RBFOX3: variants seen among roughly 807,000 people sequenced by gnomAD.
The protein encoded by RBFOX3 is RNA binding fox-1 homolog 3.
In RBFOX3, 17 loss-of-function variants were observed where a neutral mutation model predicts 48.7. The observed-to-expected ratio is 0.35, with a 90% confidence interval of 0.24 to 0.52. The LOEUF is 0.52. Among genes scored for constraint, RBFOX3 ranks in the 20% least tolerant of loss-of-function variants. The pLI is 0.94. For missense variants in RBFOX3, 382 were observed against 497.5 expected (o/e 0.77, Z 2.21); for synonymous variants, 212 against 209.5 (o/e 1.01, Z -0.10).
intron 4 of RBFOX3, among the ~76,000 whole-genome samples, chr17:79,211,688 C>T (rs2058404318): frequency 2.6e-5 from 4 of 152,158 alleles, no homozygotes; most frequent in South Asian, 4.1e-4. Flanking sequence ...TCCCAGGCTC[C>T]GGCAGGGCTG....
chr17:79,493,302 C>T (rs2149625598), intron 1 of RBFOX3, among the ~76,000 whole-genome samples: 1 of 152,280 alleles, frequency 6.6e-6, no homozygotes, highest in Middle Eastern at 3.4e-3. Context: ...CCCACCAGGC[C>T]CCACCTCTAA....
intron 3 of RBFOX3, among the ~76,000 whole-genome samples, chr17:79,236,040 C>T (rs1007987410): frequency 3.3e-5 from 5 of 152,196 alleles, no homozygotes; most frequent in South Asian, 2.1e-4. Flanking sequence ...AAACAGGGCA[C>T]GGTGGACCGG....
chr17:79,414,343 G>T (rs1334761215), intron 2 of RBFOX3, among the ~76,000 whole-genome samples: 1 of 152,192 alleles, frequency 6.6e-6, no homozygotes, highest in African/African-American at 2.4e-5. Flanking sequence ...GTAATGTACA[G>T]CGAGTTCCTT....
chr17:79,640,072 T>C, the RBFOX3 span, among the ~76,000 whole-genome samples: 1 of 152,132 alleles, frequency 6.6e-6, no homozygotes. Flanking sequence ...TAGAAAACCC[T>C]AAAAACTCAA....
chr17:79,585,481 C>G (rs959726799), intron 1 of RBFOX3, among the ~76,000 whole-genome samples: 1 of 151,948 alleles, frequency 6.6e-6, no homozygotes, highest in African/African-American at 2.4e-5. Context: ...CGCTTGAACC[C>G]GGGAGGCAGA....
In RBFOX3 at chr17:79,561,458, C is replaced by G. The variant is rs993461486; in HGVS notation, c.-320+49368G>C. 2.9e-3 allele frequency among the ~76,000 whole-genome samples: 440 copies of G among 152,254 alleles called. 6 individuals carry two copies. The highest frequency in any genetic ancestry group is 0.01 in the African/African-American group (427 of 41,530). ...AGACCACCACTGCAGATTCAGATGA[C>G]AGAGAGCAAGGGTCGCCAAACTCAG... On this transcript the variant is annotated intron_variant, in intron 1 of 14. Transcript: ENST00000693108.
intron 2 of RBFOX3, among the ~76,000 whole-genome samples, chr17:79,381,174 C>T (rs1010068404): frequency 1.3e-5 from 2 of 151,684 alleles, no homozygotes; most frequent in Admixed American, 6.6e-5. Context: ...GCAGGAGAAT[C>T]GCTTGAAGCT....
At chr17:79,164,278 A>G (rs886104809) in intron 4 of RBFOX3, among the ~76,000 whole-genome samples, 6 of 152,148 alleles carry the variant, frequency 3.9e-5, no homozygotes, top group African/African-American at 4.8e-5. Context: ...GTCCAAGGTT[A>G]GGGCATAGTG....
chr17:79,597,479 G>A (rs1225715965), intron 1 of RBFOX3, among the ~76,000 whole-genome samples: 1 of 152,218 alleles, frequency 6.6e-6, no homozygotes, highest in Non-Finnish European at 1.5e-5. Flanking sequence ...GTCGTCCTGT[G>A]TGTGGCCTTG....
At chr17:79,265,357 C>G (rs967902393) in intron 3 of RBFOX3, among the ~76,000 whole-genome samples, 2 of 152,162 alleles carry the variant, frequency 1.3e-5, no homozygotes, top group African/African-American at 4.8e-5. Flanking sequence ...CTCCCACAGC[C>G]TCCCGCTTAA....
At chr17:79,105,059 G>A (rs1263548535) in intron 6 of RBFOX3, among the ~76,000 whole-genome samples, 3 of 152,184 alleles carry the variant, frequency 2.0e-5, no homozygotes, top group Non-Finnish European at 4.4e-5. Context: ...GAACAGCCCC[G>A]AACAACACTT....
At chr17:79,544,787 C>T (rs1257149907) in intron 1 of RBFOX3, among the ~76,000 whole-genome samples, 1 of 151,934 alleles carries the variant, frequency 6.6e-6, no homozygotes, top group African/African-American at 2.4e-5. Flanking sequence ...CTGAGCAGCA[C>T]CGCCCTCCCC....
intron 1 of RBFOX3, among the ~76,000 whole-genome samples, chr17:79,554,538 G>T (rs898373225): frequency 8.0e-4 from 121 of 151,880 alleles, no homozygotes; most frequent in African/African-American, 2.6e-3. Flanking sequence ...TGGGTGCTTC[G>T]CACCCCGCTG....
chr17:79,572,712 G>C (rs1470674596), intron 1 of RBFOX3, among the ~76,000 whole-genome samples: 1 of 152,214 alleles, frequency 6.6e-6, no homozygotes, highest in Admixed American at 6.5e-5. Flanking sequence ...GCCTACAGCG[G>C]TTTGCAAACG....
intron 4 of RBFOX3, among the ~76,000 whole-genome samples, chr17:79,120,599 A>G (rs2035431051): frequency 6.7e-6 from 1 of 150,316 alleles, no homozygotes; most frequent in African/African-American, 2.5e-5. Flanking sequence ...GAGTGGATGG[A>G]AAGATGGATG....
At chr17:79,564,976 G>A (rs1008239387) in intron 1 of RBFOX3, among the ~76,000 whole-genome samples, 7 of 147,076 alleles carry the variant, frequency 4.8e-5, no homozygotes, top group Non-Finnish European at 7.4e-5. Flanking sequence ...GGGAGGCGGA[G>A]TTGCAGTGAG....
chr17:79,327,967 T>C (rs537264394), intron 2 of RBFOX3, among the ~76,000 whole-genome samples: 1 of 152,344 alleles, frequency 6.6e-6, no homozygotes, highest in East Asian at 1.9e-4. Flanking sequence ...GTGCTGGGAT[T>C]ACAGGTGTGA....
intron 2 of RBFOX3, among the ~76,000 whole-genome samples, chr17:79,456,288 G>A (rs1212061649): frequency 6.6e-5 from 10 of 151,838 alleles, no homozygotes; most frequent in Admixed American, 6.6e-4. Context: ...TGTTTGTTCC[G>A]CCTCCCACTC....
chr17:79,305,145 G>T (rs1428436209), intron 3 of RBFOX3, among the ~76,000 whole-genome samples: 1 of 152,094 alleles, frequency 6.6e-6, no homozygotes, highest in Non-Finnish European at 1.5e-5. Flanking sequence ...CAACCCCTCC[G>T]ATGGTGGCCC....
Sources: gnomAD v4.1 joint callset for allele counts (sites outside exome capture counted in the v4.1 genomes callset) on GRCh38, gnomAD v4.1.1 for gene constraint, MANE v1.5 for transcripts, NCBI Gene and HGNC (gene_info 2026-07-23, HGNC 2026-07-21) for gene names.